NAV2: variants seen among roughly 807,000 people sequenced by gnomAD.
NAV2 encodes the protein helicase, APC down-regulated 1.
Under a neutral mutation model 223.2 loss-of-function variants are expected in NAV2, and 54 were observed. That is an observed-to-expected ratio of 0.24 (90% CI 0.19 to 0.30). The LOEUF (loss-of-function observed/expected upper bound fraction) is 0.30. NAV2 is among the 10% of genes least tolerant of loss of function. The probability of loss-of-function intolerance (pLI) is 1.00; values close to 1 mark genes in which losing one functional copy is unlikely to be tolerated. For missense variants in NAV2, 2,806 were observed against 3,147.5 expected (o/e 0.89, Z 2.60); for synonymous variants, 1,279 against 1,239.3 (o/e 1.03, Z -0.67).
At chr11:19,615,015 G>A (rs973121575) in intron 1 of NAV2, among the ~76,000 whole-genome samples, 3 of 152,094 alleles carry the variant, frequency 2.0e-5, no homozygotes, top group Admixed American at 1.3e-4. Flanking sequence ...GCCCAAGAGA[G>A]GGGTCATGAT....
At chr11:19,823,142 T>A (rs2059466187) in intron 1 of NAV2, among the ~76,000 whole-genome samples, 1 of 152,204 alleles carries the variant, frequency 6.6e-6, no homozygotes, top group Non-Finnish European at 1.5e-5. Flanking sequence ...CCTCCTGGGC[T>A]CAAACAATCC....
At chr11:20,023,770 T>G (rs2054768824) in intron 11 of NAV2, among the ~76,000 whole-genome samples, 1 of 151,110 alleles carries the variant, frequency 6.6e-6, no homozygotes, top group Non-Finnish European at 1.5e-5. Context: ...ATGGGAGGTT[T>G]AAGCATAAGG....
chr11:20,095,837 G>C, intron 30 of NAV2, 70 bp downstream of exon 30: 1 of 1,130,760 alleles, frequency 8.8e-7, no homozygotes, highest in Non-Finnish European at 1.4e-6. Context: ...GAGGAAAAGA[G>C]AGGTTGATGT....
chr11:20,022,695 G>T, intron 11 of NAV2: 7 of 1,012,598 alleles, frequency 6.9e-6, no homozygotes, highest in Non-Finnish European at 8.2e-6. Flanking sequence ...AGTCTGTGAG[G>T]ATTTAAAGTA....
At chr11:19,425,926 G>T (rs1261769374) in intron 1 of NAV2, among the ~76,000 whole-genome samples, 1 of 152,194 alleles carries the variant, frequency 6.6e-6, no homozygotes, top group Non-Finnish European at 1.5e-5. Context: ...CCTGAGGTGA[G>T]ATTGTTTTCT....
intron 19 of NAV2, among the ~76,000 whole-genome samples, chr11:20,059,688 G>A (rs2058587720): frequency 6.6e-6 from 1 of 152,192 alleles, no homozygotes; most frequent in Non-Finnish European, 1.5e-5. Context: ...TTGAATTGCT[G>A]TGTGACCTTA....
chr11:19,640,657 G>C (rs1270581870), intron 1 of NAV2, among the ~76,000 whole-genome samples: 2 of 152,154 alleles, frequency 1.3e-5, no homozygotes, highest in African/African-American at 4.8e-5. Flanking sequence ...GTTCTAGGAG[G>C]AGAAGGATAA....
chr11:19,571,775 C>T (rs992940802), intron 1 of NAV2, among the ~76,000 whole-genome samples: 10 of 151,826 alleles, frequency 6.6e-5, no homozygotes, highest in African/African-American at 1.9e-4. Context: ...TAAAAAGAAA[C>T]GTGTAGCTCA....
intron 6 of NAV2, among the ~76,000 whole-genome samples, chr11:19,893,188 G>C (rs2041661822): frequency 2.0e-5 from 3 of 151,500 alleles, no homozygotes; most frequent in Non-Finnish European, 4.4e-5. Flanking sequence ...TTTTAGGATG[G>C]AGAAAAATAG....
At position 19,390,152 on chromosome 11, in the gene NAV2, A is replaced by G. The variant is rs180684482; in HGVS notation, c.75+39125A>G. On this transcript the variant is annotated intron_variant, in intron 1 of 37. Coordinates refer to the NAV2 transcript ENST00000360655. ...CAGTGTCCATTCCAGGATCCTCACC[A>G]TGGTCATTGCTTTATTTTGGGCCCA... 4.6e-5 allele frequency among the ~76,000 whole-genome samples: 7 copies of G among 152,196 alleles called. No homozygotes were observed. The East Asian group carries it at 1.4e-3, about 29-fold the overall frequency.
At chr11:19,966,975 T>C (rs79665423) in intron 10 of NAV2, among the ~76,000 whole-genome samples, 3,435 of 152,364 alleles carry the variant, frequency 0.023, 59 homozygotes, top group Middle Eastern at 0.041. Context: ...CTGCTGCTGC[T>C]ATTAATAATA....
At chr11:19,476,225 G>A (rs200340205) in intron 1 of NAV2, among the ~76,000 whole-genome samples, 3 of 152,040 alleles carry the variant, frequency 2.0e-5, no homozygotes, top group Non-Finnish European at 4.4e-5. Flanking sequence ...CACCTGCCTC[G>A]GCCTCCCAAA....
At chr11:19,554,001 A>G (rs1468907012) in intron 1 of NAV2, among the ~76,000 whole-genome samples, 2 of 152,230 alleles carry the variant, frequency 1.3e-5, no homozygotes, top group Non-Finnish European at 2.9e-5. Context: ...CTGTTCCCCT[A>G]GCAATCAGAG....
At chr11:19,692,102 G>A (rs537265244) in intron 1 of NAV2, among the ~76,000 whole-genome samples, 24 of 152,174 alleles carry the variant, frequency 1.6e-4, no homozygotes, top group Non-Finnish European at 2.8e-4. Context: ...TTTCAGGGGC[G>A]GCTCTTCTCC....
At chr11:19,874,081 A>T (rs1361306241) in intron 4 of NAV2, among the ~76,000 whole-genome samples, 1 of 152,122 alleles carries the variant, frequency 6.6e-6, no homozygotes, top group African/African-American at 2.4e-5. Context: ...TTTGTATTAG[A>T]TTATTTCAGC....
chr11:19,400,196 G>A (rs1048295497), intron 1 of NAV2, among the ~76,000 whole-genome samples: 3 of 152,152 alleles, frequency 2.0e-5, no homozygotes, highest in African/African-American at 7.2e-5. Context: ...ATAAGCTAGG[G>A]ATCAATTCAG....
At chr11:19,559,921 A>G (rs543019764) in intron 1 of NAV2, among the ~76,000 whole-genome samples, 1 of 152,296 alleles carries the variant, frequency 6.6e-6, no homozygotes, top group East Asian at 1.9e-4. Flanking sequence ...ATAGATGGAC[A>G]GCCTGGAGTG....
rs1018862100 is a variant in NAV2 at position 19,602,682 on chromosome 11, G to A, written c.76-229802G>A. The stretch of plus-strand genomic sequence containing the variant: ...CTTCCTTGCCTCTTCCAGCTCTGGT[G>A]GCTCCAGGCGTCTCGTGGCTGTGAC... On this transcript the variant is annotated intron_variant, in intron 1 of 37. Coordinates refer to the NAV2 transcript ENST00000360655. Among the ~76,000 whole-genome samples, 4 of 152,124 alleles carry A rather than the reference G, an allele frequency of 2.6e-5. No homozygotes were observed. The East Asian group carries it at 5.8e-4, about 22-fold the overall frequency.
At chr11:19,688,001 T>G (rs1303492722) in intron 1 of NAV2, among the ~76,000 whole-genome samples, 1 of 152,224 alleles carries the variant, frequency 6.6e-6, no homozygotes, top group East Asian at 1.9e-4. Context: ...TGCTACAGAC[T>G]CTAGCACTGC....
Sources: gnomAD v4.1 joint callset for allele counts (sites outside exome capture counted in the v4.1 genomes callset) on GRCh38, gnomAD v4.1.1 for gene constraint, MANE v1.5 for transcripts, NCBI Gene and HGNC (gene_info 2026-07-23, HGNC 2026-07-21) for gene names.